Variants in SCN3A observed in about 807,000 individuals in gnomAD.
SCN3A encodes sodium channel protein type 3 subunit alpha.
Under a neutral mutation model 187.6 loss-of-function variants are expected in SCN3A, and 60 were observed. The observed-to-expected ratio is 0.32, with a 90% CI of 0.26 to 0.40. The LOEUF (loss-of-function observed/expected upper bound fraction) is 0.40. SCN3A is among the 10% of genes least tolerant of loss of function. The probability of loss-of-function intolerance (pLI) is 1.00; values close to 1 mark genes in which losing one functional copy is unlikely to be tolerated. For missense variants in SCN3A, 1,601 were observed against 2,428.2 expected (o/e 0.66, Z 7.16); for synonymous variants, 788 against 829.2 (o/e 0.95, Z 0.85).
intron 21 of SCN3A, among the ~76,000 whole-genome samples, chr2:165,109,363 T>C (rs1249406589): frequency 6.6e-6 from 1 of 152,206 alleles, no homozygotes; most frequent in Non-Finnish European, 1.5e-5. Flanking sequence ...TCCTGAGCTC[T>C]AGATCTATAT....
At chr2:165,132,967 T>C (rs1487493760) in intron 15 of SCN3A, among the ~76,000 whole-genome samples, 1 of 151,842 alleles carries the variant, frequency 6.6e-6, no homozygotes, top group Non-Finnish European at 1.5e-5. Flanking sequence ...AACAAGTGGG[T>C]GAAAGACATG....
intron 5 of SCN3A, among the ~76,000 whole-genome samples, chr2:165,168,285 A>G (rs1346521963): frequency 1.3e-5 from 2 of 152,130 alleles, no homozygotes; most frequent in African/African-American, 4.8e-5. Flanking sequence ...ATATCTAAAT[A>G]TAACTTAGAC....
rs1044210980 is a variant in SCN3A, at chr2:165,177,285, G to A, written c.-50-841C>T. ...CATGGACTCAGGTGCTACACTGTCC[G>A]TTCTAAACCCTGGCTCTGCCGCTTA... On this transcript the variant is annotated intron_variant, in intron 2 of 27. Transcript: ENST00000283254. 5.9e-5 allele frequency among the ~76,000 whole-genome samples: 9 copies of A among 152,200 alleles called. No homozygotes were observed. In the East Asian group the frequency reaches 1.2e-3, roughly 20 times the overall value.
At chr2:165,136,235 GC>G (rs1294262512) in intron 15 of SCN3A, among the ~76,000 whole-genome samples, 3 of 152,030 alleles carry the variant, frequency 2.0e-5, no homozygotes, top group Non-Finnish European at 4.4e-5. Flanking sequence ...AACTGCTTCA[GC>G]ATTGGAATTC....
At chr2:165,120,645 G>C (rs1008856212) in intron 18 of SCN3A, among the ~76,000 whole-genome samples, 5 of 151,984 alleles carry the variant, frequency 3.3e-5, no homozygotes, top group African/African-American at 1.2e-4. Context: ...GAAGAGGAAA[G>C]TTTTGGTCAT....
chr2:165,163,763 A>G (rs1238567847), intron 6 of SCN3A, 54 bp from the exon 7 acceptor site: 18 of 1,613,348 alleles, frequency 1.1e-5, no homozygotes, highest in East Asian at 2.2e-5. Flanking sequence ...AAAGTTGGAG[A>G]TATAAGGGGC....
chr2:165,190,887 A>G (rs1691560071), intron 1 of SCN3A, among the ~76,000 whole-genome samples: 1 of 151,942 alleles, frequency 6.6e-6, no homozygotes, highest in Non-Finnish European at 1.5e-5. Flanking sequence ...ATTTAGCATC[A>G]GAATCACCGG....
chr2:165,198,899 C>CT (rs1314356422), intron 1 of SCN3A, among the ~76,000 whole-genome samples: 1 of 151,820 alleles, frequency 6.6e-6, no homozygotes, highest in Non-Finnish European at 1.5e-5. Flanking sequence ...GACAGAGAAA[C>CT]TAACAAACAG....
intron 9 of SCN3A, 30 bp downstream of exon 9, chr2:165,162,278 A>G (rs753653876): frequency 6.9e-6 from 11 of 1,586,630 alleles, no homozygotes; most frequent in African/African-American, 1.4e-5. Flanking sequence ...AAAGAGTTCT[A>G]TATCTTAAAA....
chr2:165,127,575 A>G, intron 18 of SCN3A, 56 bp downstream of exon 18: 1 of 1,333,904 alleles, frequency 7.5e-7, no homozygotes, highest in Non-Finnish European at 1.1e-6. Context: ...ATAGTAAATA[A>G]CTGTAGTACA....
intron 25 of SCN3A, among the ~76,000 whole-genome samples, chr2:165,095,272 G>C (rs1049385300): frequency 6.6e-6 from 1 of 152,180 alleles, no homozygotes; most frequent in African/African-American, 2.4e-5. Flanking sequence ...CTGGAGACCC[G>C]TTGGATGGGT....
intron 18 of SCN3A, among the ~76,000 whole-genome samples, chr2:165,121,539 G>C (rs2105739162): frequency 6.6e-6 from 1 of 152,258 alleles, no homozygotes; most frequent in Middle Eastern, 3.4e-3. Context: ...ACCATGGACT[G>C]TATCTTTGTT....
chr2:165,163,541 G>A, intron 7 of SCN3A, 77 bp downstream of exon 7: 2 of 1,480,846 alleles, frequency 1.4e-6, no homozygotes, highest in Non-Finnish European at 1.9e-6. Flanking sequence ...AAGCAACAAG[G>A]CTAATGCTGT....
chr2:165,117,809 T>A (rs1686446224), intron 18 of SCN3A, among the ~76,000 whole-genome samples: 1 of 152,120 alleles, frequency 6.6e-6, no homozygotes, highest in South Asian at 2.1e-4. Flanking sequence ...AAAAAGTAAT[T>A]ATACATGTAT....
intron 1 of SCN3A, among the ~76,000 whole-genome samples, chr2:165,202,899 A>G (rs1305287501): frequency 6.6e-6 from 1 of 152,004 alleles, no homozygotes; most frequent in African/African-American, 2.4e-5. Context: ...CTTTCAATTA[A>G]TATGTATAGA....
intron 6 of SCN3A, 89 bp downstream of exon 6, chr2:165,164,303 C>A: frequency 6.5e-7 from 1 of 1,537,276 alleles, no homozygotes; most frequent in Non-Finnish European, 9.0e-7. Flanking sequence ...AACAAGAAAG[C>A]TCTACATTTA....
At chr2:165,097,664 T>A in intron 22 of SCN3A, 140 bp from the exon 23 acceptor site, 1 of 1,076,788 alleles carries the variant, frequency 9.3e-7, no homozygotes, top group Non-Finnish European at 1.4e-6. Context: ...CTTCTAATTT[T>A]TCTAGCACAT....
intron 2 of SCN3A, among the ~76,000 whole-genome samples, chr2:165,182,707 T>C (rs138886067): frequency 6.6e-6 from 1 of 152,180 alleles, no homozygotes; most frequent in African/African-American, 2.4e-5. Flanking sequence ...GATAATAAAT[T>C]CTGTTTGGAA....
intron 2 of SCN3A, among the ~76,000 whole-genome samples, chr2:165,185,755 A>G (rs1185871808): frequency 1.3e-5 from 2 of 152,128 alleles, no homozygotes; most frequent in Non-Finnish European, 2.9e-5. Flanking sequence ...CAGATGATAC[A>G]CCAAATAAAT....
Sources: gnomAD v4.1 joint callset for allele counts (sites outside exome capture counted in the v4.1 genomes callset) on GRCh38, gnomAD v4.1.1 for gene constraint, MANE v1.5 for transcripts, NCBI Gene and HGNC (gene_info 2026-07-23, HGNC 2026-07-21) for gene names.